Variants in PSG5 observed in about 807,000 individuals in gnomAD.
PSG5 encodes the protein pregnancy-specific beta-1-glycoprotein 5.
In PSG5, 53 loss-of-function variants were observed where a neutral mutation model predicts 37.7. That is an observed-to-expected ratio of 1.41 (90% CI 1.13 to 1.77). The LOEUF is 1.77. Among genes scored for constraint, PSG5 ranks in the 40% most tolerant of loss-of-function variants. The pLI, the probability that PSG5 is intolerant of heterozygous loss-of-function variation, is 0.00. For synonymous variants in PSG5, 221 were observed against 155.4 expected (o/e 1.42, Z -3.14); for missense variants, 547 against 405.2 (o/e 1.35, Z -3.00).
In PSG5 at chr19:43,176,122, T is replaced by C; in HGVS notation, c.457A>G (p.Ile153Val). 1.2e-6 allele frequency: 2 copies of C among 1,611,294 alleles called. No individual in the cohort carries two copies. The highest frequency in any genetic ancestry group is 2.0e-4 in the Middle Eastern group (1 of 5,108). The change falls in exon 3 of 6, where the codon ATC becomes GTC. Residue 153 changes from isoleucine (I) to valine (V), a missense_variant. Transcript: ENST00000342951. Reference protein sequence around the residue: ...YLKLPKPYITINNSKPRENKD... With the variant: ...YLKLPKPYITVNNSKPRENKD... ...TTCTCCCTGGGTTTTGAGTTGTTGA[T>C]GGTGATGTAGGGCTTGGGCAGCTTC...
intron 2 of PSG5, among the ~76,000 whole-genome samples, chr19:43,178,172 G>A (rs546316433): frequency 6.6e-6 from 1 of 151,568 alleles, no homozygotes; most frequent in Non-Finnish European, 1.5e-5. Flanking sequence ...TTCCCTGATA[G>A]CTAGATAGAC....
intron 2 of PSG5, among the ~76,000 whole-genome samples, chr19:43,176,749 T>G (rs1232442116): frequency 6.6e-6 from 1 of 150,520 alleles, no homozygotes; most frequent in East Asian, 1.9e-4. Context: ...GGCAGTGTTT[T>G]GCAGGTGTTT....
intron 2 of PSG5, among the ~76,000 whole-genome samples, chr19:43,180,150 G>A (rs1299162018): frequency 6.6e-6 from 1 of 151,560 alleles, no homozygotes; most frequent in Non-Finnish European, 1.5e-5. Flanking sequence ...CCTCATATCA[G>A]TGGATTCCAG....
chr19:43,178,581 T>A (rs1217977986), intron 2 of PSG5, among the ~76,000 whole-genome samples: 1 of 151,594 alleles, frequency 6.6e-6, no homozygotes, highest in Admixed American at 6.6e-5. Flanking sequence ...GTCGCAACAC[T>A]GAAGTCCCAG....
Position 43,176,705 on chromosome 19 carries a change from A to G in PSG5, c.431-557T>C, listed in dbSNP as rs62115017. ...GAGACCAGAGTCAAGCCTGGAGGTCAGTTCAGTCATCAGCCAGTGGAGGCA... is the reference window on the plus strand; with the variant it reads ...GAGACCAGAGTCAAGCCTGGAGGTCGGTTCAGTCATCAGCCAGTGGAGGCA... On this transcript the variant is annotated intron_variant, in intron 2 of 5. Coordinates refer to ENST00000342951, the MANE Select transcript of PSG5 (RefSeq NM_002781.4). Among the ~76,000 whole-genome samples, 9 of 150,692 alleles carry G rather than the reference A, an allele frequency of 6.0e-5. 1 individual carries two copies. Among genetic ancestry groups the G allele is most frequent in the East Asian group, 3.9e-4 (2 of 5,158 alleles).
intron 2 of PSG5, chr19:43,179,273 C>T: frequency 7.5e-7 from 1 of 1,324,864 alleles, no homozygotes; most frequent in South Asian, 1.4e-5. Flanking sequence ...CCTTAAAAGC[C>T]CATGGCAGGT....
At chr19:43,185,264 AC>A in intron 1 of PSG5, 117 bp from the exon 2 acceptor site, 2 of 1,290,232 alleles carry the variant, frequency 1.6e-6, no homozygotes, top group Non-Finnish European at 2.1e-6. Flanking sequence ...ACACACACAC[AC>A]AAACACACAC....
rs536362682 is a variant in PSG5 at position 43,176,016 on chromosome 19, G to A, written c.563C>T (p.Pro188Leu). 29 of 1,611,090 alleles carry A rather than the reference G, an allele frequency of 1.8e-5. 1 individual carries two copies. Among genetic ancestry groups the A allele is most frequent in the South Asian group, 1.8e-4 (16 of 90,970 alleles). The change falls in exon 3 of 6, where the codon CCG (proline) becomes CTG (leucine). Residue 188 changes from proline (P) to leucine (L), a missense_variant. Transcript: ENST00000342951. ...YIWWLNGQSL[P>L]VSPRVKRPIE... ...GGGTCGCTTTACCCTGGGACTGACC[G>A]GGAGGCTCTGACCATTTAGCCACCA...
chr19:43,182,853 G>A (rs12976627), intron 2 of PSG5, among the ~76,000 whole-genome samples: 29,800 of 146,328 alleles, frequency 0.2, 3,462 homozygotes, highest in Non-Finnish European at 0.26. Context: ...TACAGTGGAA[G>A]CTCATTCTCT....
intron 3 of PSG5, 124 bp from the exon 4 acceptor site, chr19:43,175,593 A>T (rs569211234): frequency 3.4e-6 from 5 of 1,455,474 alleles, no homozygotes; most frequent in African/African-American, 1.4e-5. Flanking sequence ...CCGAACCCCC[A>T]CTATATTCAC....
rs138345338 is a variant in PSG5, at chr19:43,178,730, T to A, written c.431-2582A>T. 113 of 1,546,384 alleles carry A rather than the reference T, an allele frequency of 7.3e-5. 1 individual carries two copies. In the South Asian group the frequency reaches 1.1e-3, roughly 16 times the overall value. The stretch of plus-strand genomic sequence containing the variant: ...GTGGATCAAGCCTAGGCCTACTCTG[T>A]TTTGCCTGGGGCAGAAAGTCATGGC... On this transcript the variant is annotated intron_variant, in intron 2 of 5. Coordinates refer to ENST00000342951, the MANE Select transcript of PSG5 (RefSeq NM_002781.4).
chr19:43,179,275 A>T (rs904112774), intron 2 of PSG5: 2 of 1,318,746 alleles, frequency 1.5e-6, no homozygotes, highest in Non-Finnish European at 2.1e-6. Context: ...TTAAAAGCCC[A>T]TGGCAGGTGT....
chr19:43,178,592 C>A (rs1407101982), intron 2 of PSG5, among the ~76,000 whole-genome samples: 1 of 151,552 alleles, frequency 6.6e-6, no homozygotes, highest in African/African-American at 2.4e-5. Flanking sequence ...GAAGTCCCAG[C>A]CAAATCCCCG....
chr19:43,172,242 C>T (rs1181444864), intron 4 of PSG5, among the ~76,000 whole-genome samples: 4 of 151,334 alleles, frequency 2.6e-5, no homozygotes, highest in Admixed American at 2.6e-4. Flanking sequence ...AGGAAACCAC[C>T]TCAACATAAA....
rs769725849 is a variant in PSG5 at position 43,186,396 on chromosome 19, G to A, written c.10C>T (p.Leu4Phe). 6.2e-6 allele frequency: 10 copies of A among 1,612,184 alleles called. No individual in the cohort carries two copies. In the South Asian group the frequency reaches 7.7e-5, roughly 12 times the overall value. Residue 4 changes from leucine to phenylalanine, a missense_variant, in exon 1 of 6, where the codon CTC (leucine) becomes TTC (phenylalanine). By Grantham distance (22) the Leu-to-Phe change is conservative. Transcript: ENST00000342951. MGP[L>F]SAPPCTQHIT... ...TGCTGTGTGCAGGGAGGGGCTGAGA[G>A]GGGCCCCATGGTCTCTGCGCCTGCG...
chr19:43,185,287 G>A (rs1376693402), intron 1 of PSG5, 140 bp from the exon 2 acceptor site: 4 of 1,223,944 alleles, frequency 3.3e-6, no homozygotes, highest in African/African-American at 1.5e-5. Flanking sequence ...CACACAAAAG[G>A]TGCATGTTAG....
chr19:43,184,837 TATG>T lies in PSG5; in HGVS notation c.372_374del (p.Ile125del), dbSNP rs1312908847. ...CTCCTCTAGTCCTATCACCTCGCTTTATGATGTGTAAGGTGTAGGATCCTGCGT... is the reference window on the plus strand; with the variant it reads ...CTCCTCTAGTCCTATCACCTCGCTTTATGTGTAAGGTGTAGGATCCTGCGT... On this transcript the variant is annotated inframe_deletion, in exon 2 of 6. Transcript: ENST00000342951. 1 of 1,612,388 alleles carries T rather than the reference TATG, an allele frequency of 6.2e-7. No homozygotes were observed. The highest frequency in any genetic ancestry group is 1.1e-5 in the South Asian group (1 of 91,018).
chr19:43,177,137 T>C (rs1279979559), intron 2 of PSG5, among the ~76,000 whole-genome samples: 1 of 151,598 alleles, frequency 6.6e-6, no homozygotes, highest in African/African-American at 2.4e-5. Flanking sequence ...TCTAGGGACC[T>C]CATGTAAGTG....
In PSG5 at chr19:43,170,551, G is replaced by A. The variant is rs182772078; in HGVS notation, c.965-413C>T. 7.0e-4 allele frequency: 282 copies of A among 402,010 alleles called. 8 individuals are homozygous for A. The highest frequency in any genetic ancestry group is 5.7e-3 in the South Asian group (258 of 45,090). The allele number at this position is 402,010 out of a possible 1,614,324, so 24.9% of individuals were successfully genotyped here. A position where few individuals can be genotyped will look rare whatever the true frequency, so the allele number is the denominator to read the frequency against. On this transcript the variant is annotated intron_variant, in intron 4 of 5. Coordinates refer to ENST00000342951, the MANE Select transcript of PSG5 (RefSeq NM_002781.4). Reference sequence around the variant, plus strand: ...GCTGATTGACAGAAGGCCCACGTCCGTGCATTTCACATTCATCACCTCCTT... The same window carrying A: ...GCTGATTGACAGAAGGCCCACGTCCATGCATTTCACATTCATCACCTCCTT...
Sources: gnomAD v4.1 joint callset for allele counts (sites outside exome capture counted in the v4.1 genomes callset) on GRCh38, gnomAD v4.1.1 for gene constraint, MANE v1.5 for transcripts, NCBI Gene and HGNC (gene_info 2026-07-23, HGNC 2026-07-21) for gene names.